Variants in FRMPD3 observed in about 807,000 individuals in gnomAD.
FRMPD3 encodes the protein FERM and PDZ domain containing 3.
In FRMPD3, 42 loss-of-function variants were observed where a neutral mutation model predicts 97.9. The observed-to-expected ratio is 0.43, with a 90% CI of 0.34 to 0.55. The LOEUF (loss-of-function observed/expected upper bound fraction) is 0.55, where lower values mean the gene tolerates loss of function less well. Ranked by LOEUF, FRMPD3 falls within the 20% of genes least tolerant of loss-of-function variation. FRMPD3 has a pLI of 0.03. For missense variants in FRMPD3, 1,303 were observed against 1,457.7 expected (o/e 0.89, Z 1.73); for synonymous variants, 577 against 581.1 (o/e 0.99, Z 0.10).
At chrX:107,486,769 T>C (rs748713264) in intron 1 of FRMPD3, among the ~76,000 whole-genome samples, 1 of 112,014 alleles carries the variant, frequency 8.9e-6, no homozygotes, top group African/African-American at 3.2e-5. Flanking sequence ...CTCTATTCCT[T>C]AAGAGGATGT....
At chrX:107,496,898 G>T (rs925516704) in intron 1 of FRMPD3, among the ~76,000 whole-genome samples, 1 of 112,291 alleles carries the variant, frequency 8.9e-6, no homozygotes, top group Non-Finnish European at 1.9e-5. Flanking sequence ...GCACTTCATT[G>T]CTGTGCCCTG....
rs777647321 is a variant in FRMPD3, at chrX:107,602,541, G to A, written c.4502G>A (p.Arg1501His). The change falls in exon 15 of 15, where the codon CGC becomes CAC. Residue 1501 changes from arginine (R) to histidine (H), a missense_variant. Coordinates refer to ENST00000683843, the MANE Select transcript of FRMPD3 (RefSeq NM_001388459.1). ...TCCATCCGCTACTGCTTCTACTACCGCAAGTGTGACATGGCAGATGATGCC... is the reference window on the plus strand; with the variant it reads ...TCCATCCGCTACTGCTTCTACTACCACAAGTGTGACATGGCAGATGATGCC... Reference protein sequence around the residue: ...CCSIRYCFYYRKCDMADDASD... With the variant: ...CCSIRYCFYYHKCDMADDASD... 1.9e-5 allele frequency: 23 copies of A among 1,211,537 alleles called. No homozygotes were observed. In the Admixed American group the frequency reaches 2.6e-4, roughly 14 times the overall value.
chrX:107,539,631 T>C (rs1027727718), intron 4 of FRMPD3, among the ~76,000 whole-genome samples: 1 of 110,905 alleles, frequency 9.0e-6, no homozygotes, highest in African/African-American at 3.3e-5. Context: ...GAGAAACTGG[T>C]TTTCTACAGA....
At chrX:107,557,795 G>GTATATA (rs1467541771) in intron 8 of FRMPD3, among the ~76,000 whole-genome samples, 2 of 26,610 alleles carry the variant, frequency 7.5e-5, no homozygotes, top group Admixed American at 6.1e-4. Context: ...AAAATCTGTT[G>GTATATA]TCTATATATA....
Position 107,560,845 on chromosome X carries a change from G to A in FRMPD3, c.1018G>A (p.Gly340Ser), listed in dbSNP as rs1029876070. ...GGCTCACCAAACACATCCTTCCTGC[G>A]GCACCAAGGTATCCAGAGTAGACCA... is the stretch of plus-strand genomic sequence containing the variant. ...LKAHQTHPSC[G>S]TKGSAIQAKL... Residue 340 changes from glycine to serine, a missense_variant, in exon 10 of 15, where the codon GGC (glycine) becomes AGC (serine). Physicochemically the swap from Gly to Ser is moderately conservative, Grantham distance 56 (BLOSUM62 0). Around this residue, in one of 3 missense-constraint regions of FRMPD3, gnomAD observed 535 missense variants for 618.6 expected, o/e 0.86. Coordinates refer to ENST00000683843, the MANE Select transcript of FRMPD3 (RefSeq NM_001388459.1). The A allele has an allele frequency of 5.9e-6, 7 of 1,192,916 alleles. No homozygotes were observed. The highest frequency in any genetic ancestry group is 4.5e-5 in the Admixed American group (2 of 44,317).
chrX:107,573,357 A>T (rs988320618), intron 12 of FRMPD3, among the ~76,000 whole-genome samples: 2 of 111,854 alleles, frequency 1.8e-5, no homozygotes, highest in African/African-American at 6.5e-5. Flanking sequence ...AAACCTCTGT[A>T]TCTGTATATC....
At chrX:107,513,601 G>A (rs1272802017) in intron 1 of FRMPD3, among the ~76,000 whole-genome samples, 5 of 111,900 alleles carry the variant, frequency 4.5e-5, no homozygotes, top group Non-Finnish European at 9.4e-5. Context: ...TTCTTTGACT[G>A]CATTCTCTCT....
chrX:107,601,947 G>T lies in FRMPD3; in HGVS notation c.3908G>T (p.Arg1303Leu), dbSNP rs929255213. The T allele has an allele frequency of 8.5e-7, 1 of 1,174,750 alleles. No homozygotes were observed. The highest frequency in any genetic ancestry group is 1.1e-6 in the Non-Finnish European group (1 of 878,456). The stretch of plus-strand genomic sequence containing the variant: ...CAGAGGCGCAGCTGTGACTGCAAGC[G>T]CATCTGCCGGGGGGGCCGGCCACAA... Reference protein sequence around the residue: ...REQRRSCDCKRICRGGRPQAT... With the variant: ...REQRRSCDCKLICRGGRPQAT... Residue 1303 changes from arginine to leucine, a missense_variant, in exon 15 of 15, where the codon CGC becomes CTC. This residue lies in a region of FRMPD3 where 764 missense variants were observed against 820.2 expected (regional missense o/e 0.93). Coordinates refer to ENST00000683843, the MANE Select transcript of FRMPD3 (RefSeq NM_001388459.1).
At chrX:107,549,336 G>T (rs1921755025) in intron 5 of FRMPD3, among the ~76,000 whole-genome samples, 3 of 105,104 alleles carry the variant, frequency 2.9e-5, no homozygotes, top group Admixed American at 2.0e-4. Flanking sequence ...AAAAGAAAAA[G>T]AAAAAAAAAA....
chrX:107,460,598 C>T (rs969374228), intron 1 of FRMPD3, among the ~76,000 whole-genome samples: 4 of 111,013 alleles, frequency 3.6e-5, no homozygotes, highest in African/African-American at 6.6e-5. Flanking sequence ...CACTATGTTG[C>T]CCAGGCTGGT....
chrX:107,560,519 C>T, intron 9 of FRMPD3, 126 bp downstream of exon 9: 1 of 956,618 alleles, frequency 1.0e-6, no homozygotes, highest in Non-Finnish European at 1.4e-6. Context: ...ATTGGAGTCC[C>T]TCATATCTAG....
At chrX:107,488,768 A>AAAAC (rs779925980) in intron 1 of FRMPD3, among the ~76,000 whole-genome samples, 4,037 of 111,079 alleles carry the variant, frequency 0.036, 77 homozygotes, top group South Asian at 0.11. Context: ...GAGGGGCAAA[A>AAAAC]AAACAAACAA....
intron 1 of FRMPD3, among the ~76,000 whole-genome samples, chrX:107,503,461 G>C: frequency 8.9e-6 from 1 of 112,442 alleles, no homozygotes; most frequent in Non-Finnish European, 1.9e-5. Context: ...TAAGAGCTGG[G>C]ATGAGCAGCA....
In FRMPD3 at chrX:107,560,560, T is replaced by C. The variant is rs763616192; in HGVS notation, c.899+167T>C. On this transcript the variant is annotated intron_variant, in intron 9 of 14. Coordinates refer to ENST00000683843, the MANE Select transcript of FRMPD3 (RefSeq NM_001388459.1). Reference sequence around the variant, plus strand: ...GAAGCCCTAGAGCTACAGCTTCTACTAGGGAGCTGTGGCTAATGTTATTTT... The same window carrying C: ...GAAGCCCTAGAGCTACAGCTTCTACCAGGGAGCTGTGGCTAATGTTATTTT... Among the ~76,000 whole-genome samples, 216 of 111,303 alleles carry C rather than the reference T, an allele frequency of 1.9e-3. 1 individual carries two copies. The highest frequency in any genetic ancestry group is 6.8e-3 in the African/African-American group (207 of 30,623).
intron 1 of FRMPD3, among the ~76,000 whole-genome samples, chrX:107,462,545 AT>A (rs1194737676): frequency 8.0e-5 from 9 of 112,086 alleles, no homozygotes; most frequent in Non-Finnish European, 1.5e-4. Flanking sequence ...GTGAGGAATG[AT>A]GCACCTGGAG....
intron 1 of FRMPD3, among the ~76,000 whole-genome samples, chrX:107,511,441 A>G (rs541160743): frequency 8.9e-6 from 1 of 112,612 alleles, no homozygotes; most frequent in African/African-American, 3.2e-5. Context: ...GCAAGGGGGA[A>G]GTCAGTAACC....
chrX:107,593,225 A>G (rs1487220813), intron 13 of FRMPD3, among the ~76,000 whole-genome samples: 1 of 105,875 alleles, frequency 9.4e-6, no homozygotes, highest in Non-Finnish European at 2.0e-5. Context: ...TCCTTAGCCA[A>G]CTTCTTGGTG....
chrX:107,513,199 A>G (rs1334213141), intron 1 of FRMPD3: 1 of 111,719 alleles, frequency 9.0e-6, no homozygotes, highest in Non-Finnish European at 1.9e-5. Flanking sequence ...AATGGGTGAC[A>G]GGTGTCTCCA....
intron 4 of FRMPD3, among the ~76,000 whole-genome samples, chrX:107,536,321 ACT>A (rs1275066495): frequency 9.0e-6 from 1 of 111,342 alleles, no homozygotes; most frequent in Non-Finnish European, 1.9e-5. Context: ...GCACCACTGT[ACT>A]CCAGCCTGGG....
Sources: allele counts gnomAD v4.1 joint callset (sites outside exome capture counted in the v4.1 genomes callset), GRCh38; gene constraint gnomAD v4.1.1; regional missense constraint gnomAD v4.1.1; transcripts MANE v1.5; gene names NCBI Gene and HGNC (gene_info 2026-07-23, HGNC 2026-07-21).